DCDC1: variants seen among roughly 807,000 people sequenced by gnomAD.
DCDC1 encodes the protein doublecortin domain containing 1.
A neutral mutation model predicts 178.3 loss-of-function variants in DCDC1; 200 were observed. The observed-to-expected ratio is 1.12, with a 90% CI of 1.00 to 1.26. The LOEUF is 1.26. Among genes scored for constraint, DCDC1 ranks in the 50% most tolerant of loss-of-function variants. The pLI is 0.00. For missense variants in DCDC1, 1,983 were observed against 1,749.2 expected (o/e 1.13, Z -2.38); for synonymous variants, 690 against 604.8 (o/e 1.14, Z -2.07).
chr11:31,237,144 T>C (rs770343221), intron 9 of DCDC1, among the ~76,000 whole-genome samples: 11 of 151,974 alleles, frequency 7.2e-5, no homozygotes, highest in Non-Finnish European at 1.6e-4. Flanking sequence ...TATACTATTG[T>C]TTGATACCTA....
chr11:31,128,482 T>G (rs993238495), intron 10 of DCDC1, among the ~76,000 whole-genome samples: 2 of 152,116 alleles, frequency 1.3e-5, no homozygotes, highest in Non-Finnish European at 2.9e-5. Context: ...TTATATTCTC[T>G]CTAGTAGGCT....
At chr11:30,888,120 AAG>A (rs1295044483) in intron 36 of DCDC1, among the ~76,000 whole-genome samples, 8 of 145,372 alleles carry the variant, frequency 5.5e-5, no homozygotes, top group African/African-American at 7.9e-5. Context: ...GAAAGAAAGA[AAG>A]AAAGAAAGAA....
Position 30,922,593 on chromosome 11 carries a change from T to C in DCDC1, c.3043A>G (p.Ile1015Val). Residue 1015 changes from isoleucine (I) to valine (V), a missense_variant, in exon 24 of 39, where the codon ATT becomes GTT. By Grantham distance (29) the Ile-to-Val change is conservative. Coordinates refer to ENST00000684477, the MANE Select transcript of DCDC1 (RefSeq NM_001387274.1). ...AATATTTGTTTCTTTTGCTGAGCAA[T>C]GGACAGGTCAGGATTGATCCAGAGT... ...GELWINPDLS[I>V]AQQKKQIFLR... 6.3e-7 allele frequency: 1 copy of C among 1,587,288 alleles called. No homozygotes were observed.
At chr11:31,129,508 G>C (rs1222553383) in intron 10 of DCDC1, among the ~76,000 whole-genome samples, 1 of 152,004 alleles carries the variant, frequency 6.6e-6, no homozygotes, top group East Asian at 1.9e-4. Flanking sequence ...TTGGAAAGCA[G>C]ACACAGACGA....
At chr11:31,024,474 A>G (rs1461925295) in intron 20 of DCDC1, among the ~76,000 whole-genome samples, 1 of 152,014 alleles carries the variant, frequency 6.6e-6, no homozygotes, top group Non-Finnish European at 1.5e-5. Flanking sequence ...AAAGAATTAT[A>G]TGGAATGGAA....
chr11:31,334,428 G>T (rs1167601444), intron 2 of DCDC1, among the ~76,000 whole-genome samples: 1 of 152,162 alleles, frequency 6.6e-6, no homozygotes, highest in Non-Finnish European at 1.5e-5. Context: ...CATTGCTGGC[G>T]AGGAGCTGCG....
At chr11:31,061,179 A>G (rs898080129) in intron 20 of DCDC1, among the ~76,000 whole-genome samples, 15 of 152,118 alleles carry the variant, frequency 9.9e-5, no homozygotes, top group Admixed American at 5.9e-4. Context: ...ACAGTTCATT[A>G]TTTCCTTCTC....
chr11:30,914,632 C>CAAAAA (rs11355322), intron 27 of DCDC1, among the ~76,000 whole-genome samples: 6 of 100,858 alleles, frequency 5.9e-5, no homozygotes, highest in African/African-American at 1.4e-4. Flanking sequence ...CATATGCACC[C>CAAAAA]AAAAAAAAAA....
At chr11:31,205,015 A>G (rs1591395832) in intron 9 of DCDC1, among the ~76,000 whole-genome samples, 1 of 152,214 alleles carries the variant, frequency 6.6e-6, no homozygotes, top group Non-Finnish European at 1.5e-5. Flanking sequence ...TTCTGAGCCA[A>G]TGGAATATCA....
chr11:31,324,785 C>G (rs1392756029), intron 3 of DCDC1, among the ~76,000 whole-genome samples: 1 of 151,878 alleles, frequency 6.6e-6, no homozygotes, highest in African/African-American at 2.4e-5. Context: ...AGATTCATTC[C>G]AAGTAAAAAG....
intron 29 of DCDC1, among the ~76,000 whole-genome samples, chr11:30,906,950 A>C (rs1471120015): frequency 2.0e-5 from 3 of 152,200 alleles, no homozygotes; most frequent in Admixed American, 2.0e-4. Context: ...ATGAATATAA[A>C]CTATGTGCAA....
intron 20 of DCDC1, among the ~76,000 whole-genome samples, chr11:30,964,682 TAGAC>T (rs1231608873): frequency 6.6e-6 from 1 of 152,166 alleles, no homozygotes; most frequent in African/African-American, 2.4e-5. Flanking sequence ...AGCATAATCA[TAGAC>T]CAATATAAGT....
In DCDC1 at chr11:30,878,563, A is replaced by G. The variant is rs763189976; in HGVS notation, c.*21T>C. 5 of 1,578,404 alleles carry G rather than the reference A, an allele frequency of 3.2e-6. No individual in the cohort carries two copies. In the East Asian group the frequency reaches 1.1e-4, roughly 36 times the overall value. ...CTATACCAGAAAAATACAGCAGAAA[A>G]TCCGATGGTTCTGATAGGAGTTAAT... On this transcript the variant is annotated 3_prime_UTR_variant, in exon 38 of 39. Transcript: ENST00000684477.
intron 6 of DCDC1, among the ~76,000 whole-genome samples, chr11:31,304,873 T>C (rs2616821): frequency 0.4 from 61,485 of 151,978 alleles, 12,844 homozygotes; most frequent in African/African-American, 0.47. Context: ...TAGCACTAGA[T>C]ACCAAACTCT....
At chr11:31,145,974 A>G (rs192912302) in intron 9 of DCDC1, among the ~76,000 whole-genome samples, 317 of 152,296 alleles carry the variant, frequency 2.1e-3, no homozygotes, top group Non-Finnish European at 3.9e-3. Context: ...TGACTGAGTT[A>G]GACACTAATA....
At chr11:31,224,331 C>A (rs555390537) in intron 9 of DCDC1, among the ~76,000 whole-genome samples, 57 of 151,916 alleles carry the variant, frequency 3.8e-4, no homozygotes, top group Non-Finnish European at 1.0e-4. Flanking sequence ...AAAACTGGGT[C>A]CACATCTCCC....
chr11:31,198,308 C>G lies in DCDC1; in HGVS notation c.1221+43142G>C, dbSNP rs145585158. ...ATTCTACATAGAAAAATGTCTATGG[C>G]AACAACTTTAGTGATCATGGGACTT... On this transcript the variant is annotated intron_variant, in intron 9 of 38. Transcript: ENST00000684477. 9.8e-3 allele frequency among the ~76,000 whole-genome samples: 1,491 copies of G among 152,130 alleles called. 23 individuals carry two copies. Among genetic ancestry groups the G allele is most frequent in the Admixed American group, 0.032 (489 of 15,230 alleles).
intron 1 of DCDC1, among the ~76,000 whole-genome samples, chr11:31,361,213 A>T (rs1951692626): frequency 6.6e-6 from 1 of 152,224 alleles, no homozygotes; most frequent in Admixed American, 6.5e-5. Context: ...CATGTAAAAA[A>T]TCCATTTTAT....
At chr11:30,911,598 T>G (rs958031449) in intron 27 of DCDC1, among the ~76,000 whole-genome samples, 178 bp from the exon 28 acceptor site, 2 of 152,154 alleles carry the variant, frequency 1.3e-5, no homozygotes, top group African/African-American at 4.8e-5. Context: ...CAGTAGAGAG[T>G]GCTGGAAGAA....
Sources: allele counts gnomAD v4.1 joint callset (sites outside exome capture counted in the v4.1 genomes callset), GRCh38; gene constraint gnomAD v4.1.1; transcripts MANE v1.5; gene names NCBI Gene and HGNC (gene_info 2026-07-23, HGNC 2026-07-21).